Variants in ETV5 observed in about 807,000 individuals in gnomAD.
ETV5 encodes ETS translocation variant 5.
ETV5 carries 10 observed loss-of-function variants against 70.0 expected under a neutral mutation model. That is an observed-to-expected ratio of 0.14 (90% CI 0.09 to 0.24). ETV5 has a LOEUF of 0.24. Among genes scored for constraint, ETV5 ranks in the 10% least tolerant of loss-of-function variants. The pLI is 1.00. For synonymous variants in ETV5, 216 were observed against 242.2 expected (o/e 0.89, Z 1.01); for missense variants, 453 against 651.2 (o/e 0.70, Z 3.31).
At chr3:186,096,809 G>C (rs546586058) in intron 5 of ETV5, among the ~76,000 whole-genome samples, 5 of 152,192 alleles carry the variant, frequency 3.3e-5, no homozygotes, top group Non-Finnish European at 5.9e-5. Flanking sequence ...ATACATCCCT[G>C]GGCTATCCCA....
intron 7 of ETV5, among the ~76,000 whole-genome samples, chr3:186,074,521 A>C (rs1054655372): frequency 3.9e-5 from 6 of 152,190 alleles, no homozygotes; most frequent in African/African-American, 1.4e-4. Flanking sequence ...ATAAGAAAGA[A>C]AAATTATGTA....
chr3:186,087,470 T>TAC (rs1714085743), intron 5 of ETV5, among the ~76,000 whole-genome samples: 1 of 152,216 alleles, frequency 6.6e-6, no homozygotes, highest in Admixed American at 6.5e-5. Flanking sequence ...TTCTGTATGT[T>TAC]ACTTCAATTA....
At position 186,048,829 on chromosome 3, in the gene ETV5, A is replaced by G; in HGVS notation, c.1343T>C (p.Val448Ala). The G allele has an allele frequency of 6.2e-7, 1 of 1,614,094 alleles. No individual in the cohort carries two copies. Among genetic ancestry groups the G allele is most frequent in the Non-Finnish European group, 8.5e-7 (1 of 1,180,008 alleles). ...GGAGAAGAGGGCATCTGGGTCACAG[A>G]CAAATTTGTAGACGTATCGCTCTCC... ...VAGERYVYKF[V>A]CDPDALFSMA... Residue 448 changes from valine (V) to alanine (A), a missense_variant, in exon 13 of 13, where the codon GTC becomes GCC. Physicochemically the swap from Val to Ala is moderately conservative, Grantham distance 64. Transcript: ENST00000306376.
intron 5 of ETV5, among the ~76,000 whole-genome samples, chr3:186,101,696 A>G (rs1009749793): frequency 6.6e-5 from 10 of 151,912 alleles, no homozygotes; most frequent in Non-Finnish European, 1.3e-4. Context: ...GCTTTGTGAG[A>G]GCTTCTTTAA....
chr3:186,089,471 C>A (rs1205863824), intron 5 of ETV5, among the ~76,000 whole-genome samples: 1 of 152,190 alleles, frequency 6.6e-6, no homozygotes, highest in Non-Finnish European at 1.5e-5. Flanking sequence ...TAATGAGCCC[C>A]CCAAAAGCCC....
chr3:186,073,164 T>C (rs753777359), intron 7 of ETV5, among the ~76,000 whole-genome samples: 9 of 152,066 alleles, frequency 5.9e-5, no homozygotes, highest in Non-Finnish European at 1.2e-4. Flanking sequence ...AAAATATTAG[T>C]GTGATGATGA....
chr3:186,060,247 A>G (rs546312418), intron 9 of ETV5, among the ~76,000 whole-genome samples: 1 of 152,368 alleles, frequency 6.6e-6, no homozygotes, highest in South Asian at 2.1e-4. Context: ...ACCTACATCT[A>G]GAAGAAATTC....
chr3:186,057,792 T>C lies in ETV5; in HGVS notation c.971-301A>G, dbSNP rs1713202308. 6.6e-6 allele frequency among the ~76,000 whole-genome samples: 1 copy of C among 152,224 alleles called. No homozygotes were observed. Reference sequence around the variant, plus strand: ...TGCTTCTGAGGTCTGCATGGATCAATGTTGCTCTGACTAAGCCTTTACAGC... The same window carrying C: ...TGCTTCTGAGGTCTGCATGGATCAACGTTGCTCTGACTAAGCCTTTACAGC... On this transcript the variant is annotated intron_variant, in intron 9 of 12. Transcript: ENST00000306376. This position sits in a 1 kb window ranked among gnomAD's most constrained non-coding sequence, Gnocchi z 4.9.
chr3:186,097,910 A>C (rs1384458362), intron 5 of ETV5, among the ~76,000 whole-genome samples: 2 of 152,168 alleles, frequency 1.3e-5, no homozygotes, highest in East Asian at 3.9e-4. Flanking sequence ...AAAGTCTGCA[A>C]GTGAGCCCCG....
chr3:186,047,764 T>C lies in ETV5; in HGVS notation c.*875A>G. 4.3e-6 allele frequency: 1 copy of C among 232,302 alleles called. No individual in the cohort carries two copies. Among genetic ancestry groups the C allele is most frequent in the Admixed American group, 5.7e-5 (1 of 17,562 alleles). 14.4% of individuals were successfully genotyped at this position (232,302 alleles called of 1,614,324 possible). A position where few individuals can be genotyped will look rare whatever the true frequency, so the allele number is the denominator to read the frequency against. ...GCACGGCCCTGGCTAAAGGACACAGTGCACAGTTACCAAAAGGTTTGTTTT... is the reference window on the plus strand; with the variant it reads ...GCACGGCCCTGGCTAAAGGACACAGCGCACAGTTACCAAAAGGTTTGTTTT... On this transcript the variant is annotated 3_prime_UTR_variant, in exon 13 of 13. Transcript: ENST00000306376.
chr3:186,067,066 G>A (rs565348754), intron 7 of ETV5, among the ~76,000 whole-genome samples: 228 of 152,264 alleles, frequency 1.5e-3, no homozygotes, highest in African/African-American at 5.3e-3. Flanking sequence ...AGGCTGAGGC[G>A]GGCAGATCGC....
chr3:186,080,518 T>A, intron 6 of ETV5: 1 of 234,564 alleles, frequency 4.3e-6, no homozygotes, highest in Non-Finnish European at 8.4e-6. Flanking sequence ...GTTTGTGCTG[T>A]GACATCATTT....
chr3:186,084,140 T>C, intron 5 of ETV5: 1 of 428,886 alleles, frequency 2.3e-6, no homozygotes, highest in South Asian at 1.7e-5. Context: ...TGTGTAATTA[T>C]ACCCTGTGCT....
chr3:186,103,596 A>G (rs1192940516), intron 5 of ETV5, among the ~76,000 whole-genome samples: 1 of 150,318 alleles, frequency 6.7e-6, no homozygotes, highest in African/African-American at 2.5e-5. Flanking sequence ...AAGTTGGATT[A>G]CAAACCCTGT....
chr3:186,090,183 A>C (rs1416154700), intron 5 of ETV5, among the ~76,000 whole-genome samples: 2 of 152,248 alleles, frequency 1.3e-5, no homozygotes, highest in African/African-American at 4.8e-5. Flanking sequence ...CCATACGTCG[A>C]CAAATGAAGA....
chr3:186,090,602 A>G (rs1277265675), intron 5 of ETV5, among the ~76,000 whole-genome samples: 1 of 152,196 alleles, frequency 6.6e-6, no homozygotes, highest in Non-Finnish European at 1.5e-5. Flanking sequence ...TTATATGTAA[A>G]ACACGTTTAG....
At chr3:186,070,420 C>T (rs926760049) in intron 7 of ETV5, among the ~76,000 whole-genome samples, 3 of 152,214 alleles carry the variant, frequency 2.0e-5, no homozygotes, top group Non-Finnish European at 2.9e-5. Context: ...AAGGTACTTC[C>T]ACATGGGCAC....
intron 5 of ETV5, among the ~76,000 whole-genome samples, chr3:186,100,550 A>G (rs1264493603): frequency 6.6e-6 from 1 of 152,246 alleles, no homozygotes; most frequent in Non-Finnish European, 1.5e-5. Flanking sequence ...AATGTGTTTT[A>G]GGCTCAAGGG....
In ETV5 at chr3:186,105,001, C is replaced by CA; in HGVS notation, c.232+303dup. On this transcript the variant is annotated intron_variant, in intron 5 of 12. Coordinates refer to ENST00000306376, the MANE Select transcript of ETV5 (RefSeq NM_004454.3). This position sits in a 1 kb window ranked among gnomAD's most constrained non-coding sequence, Gnocchi z 4.5. ...AAGTGATCCACCTGCCTCAGCCTCC[C>CA]AAAGCCCTGGGATTATAGGTGTGAG... 4.6e-6 allele frequency: 1 copy of CA among 215,552 alleles called. No individual in the cohort carries two copies. Among genetic ancestry groups the CA allele is most frequent in the Middle Eastern group, 1.8e-3 (1 of 570 alleles). The allele number at this position is 215,552 out of a possible 1,614,324, so 13.4% of individuals were successfully genotyped here. A position where few individuals can be genotyped will look rare whatever the true frequency, so the allele number is the denominator to read the frequency against.
Sources: allele counts gnomAD v4.1 joint callset (sites outside exome capture counted in the v4.1 genomes callset), GRCh38; gene constraint gnomAD v4.1.1; non-coding constraint Gnocchi (gnomAD v3.1); transcripts MANE v1.5; gene names NCBI Gene and HGNC (gene_info 2026-07-23, HGNC 2026-07-21).